The following PRKCB variants were observed in gnomAD, a reference collection of about 807,000 sequenced individuals.
The protein encoded by PRKCB is protein kinase C beta.
Under a neutral mutation model 81.5 loss-of-function variants are expected in PRKCB, and 13 were observed. That is an observed-to-expected ratio of 0.16 (90% CI 0.10 to 0.25). The LOEUF (loss-of-function observed/expected upper bound fraction) is 0.25. Ranked by LOEUF, PRKCB falls within the 10% of genes least tolerant of loss-of-function variation. The pLI is 1.00. For synonymous variants in PRKCB, 335 were observed against 321.4 expected (o/e 1.04, Z -0.45); for missense variants, 509 against 875.7 (o/e 0.58, Z 5.29).
chr16:23,850,600 G>A (rs926326892), intron 2 of PRKCB, among the ~76,000 whole-genome samples: 3 of 152,144 alleles, frequency 2.0e-5, no homozygotes, highest in Admixed American at 1.3e-4. Flanking sequence ...CCTGACCTCA[G>A]GTGATCCACC....
At chr16:23,952,469 A>G (rs1964296588) in intron 2 of PRKCB, among the ~76,000 whole-genome samples, 1 of 151,990 alleles carries the variant, frequency 6.6e-6, no homozygotes, top group Non-Finnish European at 1.5e-5. Context: ...GCATAGAGAG[A>G]GAGTTAAAAG....
intron 2 of PRKCB, among the ~76,000 whole-genome samples, chr16:23,987,548 GAAGTGAGCTTTCCTCTGTAGGC>G (rs1373970095): frequency 5.9e-5 from 9 of 152,142 alleles, no homozygotes; most frequent in Non-Finnish European, 1.3e-4. Context: ...CATAGGTAGT[GAAGTGAGCTTTCCTCTGTAGGC>G]AAGTGGTATC....
At chr16:24,040,383 T>C (rs1006431951) in intron 5 of PRKCB, among the ~76,000 whole-genome samples, 2 of 152,226 alleles carry the variant, frequency 1.3e-5, no homozygotes, top group Non-Finnish European at 2.9e-5. Context: ...CCATCTTCTC[T>C]TTTTCTAGCA....
At chr16:23,966,807 G>C (rs1464034911) in intron 2 of PRKCB, among the ~76,000 whole-genome samples, 1 of 152,102 alleles carries the variant, frequency 6.6e-6, no homozygotes, top group Non-Finnish European at 1.5e-5. Flanking sequence ...TCTGCATCTG[G>C]GGACACAGCA....
chr16:24,172,614 G>T (rs1349650791), intron 11 of PRKCB, among the ~76,000 whole-genome samples: 2 of 152,096 alleles, frequency 1.3e-5, no homozygotes, highest in African/African-American at 4.8e-5. Context: ...GGGAGGCTGA[G>T]GTTGGAGGAT....
chr16:23,987,647 G>C (rs1368256221), intron 2 of PRKCB, among the ~76,000 whole-genome samples: 2 of 152,086 alleles, frequency 1.3e-5, no homozygotes, highest in Admixed American at 6.6e-5. Context: ...GGATGGCCTT[G>C]AGGTTTCCTG....
chr16:24,063,816 T>C (rs1244480533), intron 5 of PRKCB, among the ~76,000 whole-genome samples: 1 of 152,192 alleles, frequency 6.6e-6, no homozygotes, highest in Non-Finnish European at 1.5e-5. Flanking sequence ...GGGAAGGACA[T>C]ACCAGGATAT....
intron 2 of PRKCB, among the ~76,000 whole-genome samples, chr16:23,931,528 G>A (rs1567317505): frequency 1.3e-5 from 2 of 152,180 alleles, no homozygotes; most frequent in Non-Finnish European, 2.9e-5. Flanking sequence ...GTTGGGGTGA[G>A]GGTGTGAGAA....
At chr16:23,929,748 A>G (rs1393422815) in intron 2 of PRKCB, among the ~76,000 whole-genome samples, 2 of 151,996 alleles carry the variant, frequency 1.3e-5, no homozygotes, top group African/African-American at 4.8e-5. Flanking sequence ...TTTGTAAGGG[A>G]TCTATTTTTT....
At chr16:23,982,743 T>A (rs7184781) in intron 2 of PRKCB, among the ~76,000 whole-genome samples, 3 of 151,948 alleles carry the variant, frequency 2.0e-5, no homozygotes, top group East Asian at 1.9e-4. Flanking sequence ...GTGGCCTTTC[T>A]GATCTTGCCT....
chr16:24,190,979 A>T, intron 15 of PRKCB, 111 bp from the exon 16 acceptor site: 105 of 1,180,074 alleles, frequency 8.9e-5, no homozygotes, highest in Non-Finnish European at 1.2e-4. Context: ...AAATGAGTTG[A>T]GATTCTTCAT....
intron 12 of PRKCB, among the ~76,000 whole-genome samples, chr16:24,178,499 C>T (rs763341173): frequency 1.3e-5 from 2 of 152,226 alleles, no homozygotes; most frequent in Non-Finnish European, 2.9e-5. Context: ...CAGCTGCCTG[C>T]TTCTGAGCAT....
At chr16:24,151,180 G>C (rs1416299846) in intron 9 of PRKCB, among the ~76,000 whole-genome samples, 1 of 152,144 alleles carries the variant, frequency 6.6e-6, no homozygotes, top group Non-Finnish European at 1.5e-5. Context: ...AATCTCATTT[G>C]ATGACAATAT....
chr16:24,035,983 G>C (rs542715215), intron 5 of PRKCB, among the ~76,000 whole-genome samples: 1 of 152,252 alleles, frequency 6.6e-6, no homozygotes, highest in African/African-American at 2.4e-5. Flanking sequence ...ATGGAGTCTT[G>C]ATGATAAACC....
In PRKCB at chr16:24,216,165, G is replaced by A. The variant is rs1173129257; in HGVS notation, c.*1349G>A. ...GCCACTCGGAGGGGCGGGGGCTGTGGCCCATTCAGGGGCTGCTGGTGGGCT... is the reference window on the plus strand; with the variant it reads ...GCCACTCGGAGGGGCGGGGGCTGTGACCCATTCAGGGGCTGCTGGTGGGCT... On this transcript the variant is annotated 3_prime_UTR_variant, in exon 17 of 17. Coordinates refer to ENST00000643927, the MANE Select transcript of PRKCB (RefSeq NM_002738.7). 1.7e-5 allele frequency: 17 copies of A among 985,372 alleles called. No individual in the cohort carries two copies. Among genetic ancestry groups the A allele is most frequent in the Non-Finnish European group, 2.0e-5 (17 of 830,014 alleles). 61.0% of individuals were successfully genotyped at this position (985,372 alleles called of 1,614,324 possible). A position where few individuals can be genotyped will look rare whatever the true frequency, so the allele number is the denominator to read the frequency against.
intron 2 of PRKCB, among the ~76,000 whole-genome samples, chr16:23,962,337 A>G (rs1261612201): frequency 6.6e-6 from 1 of 151,886 alleles, no homozygotes; most frequent in Admixed American, 6.6e-5. Context: ...TCTCTCCCTC[A>G]TCCGTCCCAA....
chr16:24,163,006 G>A (rs1278656578), intron 10 of PRKCB, among the ~76,000 whole-genome samples: 3 of 152,166 alleles, frequency 2.0e-5, no homozygotes, highest in Non-Finnish European at 4.4e-5. Flanking sequence ...GTTTCTCACT[G>A]CTCCTGGTAA....
At chr16:24,190,379 G>C (rs993239543) in intron 15 of PRKCB, among the ~76,000 whole-genome samples, 1 of 152,048 alleles carries the variant, frequency 6.6e-6, no homozygotes, top group African/African-American at 2.4e-5. Flanking sequence ...GTGGGAGGAG[G>C]GAAGTTTGAA....
intron 2 of PRKCB, among the ~76,000 whole-genome samples, chr16:23,945,919 C>T (rs978345381): frequency 7.2e-5 from 11 of 152,050 alleles, no homozygotes; most frequent in Non-Finnish European, 1.5e-4. Flanking sequence ...GCTGGCCCTA[C>T]CACACCACCA....
Sources: allele counts gnomAD v4.1 joint callset (sites outside exome capture counted in the v4.1 genomes callset), GRCh38; gene constraint gnomAD v4.1.1; transcripts MANE v1.5; gene names NCBI Gene and HGNC (gene_info 2026-07-23, HGNC 2026-07-21).